COBL: variants seen among roughly 807,000 people sequenced by gnomAD.
COBL encodes the protein protein cordon-bleu.
Under a neutral mutation model 98.8 loss-of-function variants are expected in COBL, and 51 were observed. That is an observed-to-expected ratio of 0.52 (90% confidence interval 0.41 to 0.65). The LOEUF (loss-of-function observed/expected upper bound fraction) is 0.65. COBL is among the 30% of genes least tolerant of loss of function. The pLI, the probability that COBL is intolerant of heterozygous loss-of-function variation, is 0.00. For missense variants in COBL, 1,617 were observed against 1,617.5 expected, an observed-to-expected ratio of 1.00 and a Z score of 0.01; for synonymous variants, 634 against 651.7, an observed-to-expected ratio of 0.97 and a Z score of 0.41.
At position 51,028,860 on chromosome 7, in the gene COBL, C is replaced by G. The variant is rs367789677; in HGVS notation, c.2236G>C (p.Gly746Arg). ...LGNLVSPHAT[G>R]IRIISLSSSV... is the part of the protein sequence containing the mutation. The stretch of plus-strand genomic sequence containing the variant: ...GAAGACAGGGAAATGATCCTGATGC[C>G]GGTGGCGTGAGGACTCACCAAGTTC... Residue 746 changes from glycine (G) to arginine (R), a missense_variant, in exon 10 of 13, where the codon GGC (glycine) becomes CGC (arginine). By Grantham distance (125) the Gly-to-Arg change is moderately radical. Around this residue, in one of 3 missense-constraint regions of COBL, gnomAD observed 1,304 missense variants for 1,282.0 expected, o/e 1.02. Coordinates refer to ENST00000265136, the MANE Select transcript of COBL (RefSeq NM_015198.5). The G allele has an allele frequency of 3.7e-6, 6 of 1,614,170 alleles. No homozygotes were observed. The East Asian group carries it at 1.3e-4, about 36-fold the overall frequency.
At chr7:51,119,649 T>C (rs796450522) in intron 6 of COBL, among the ~76,000 whole-genome samples, 1 of 152,214 alleles carries the variant, frequency 6.6e-6, no homozygotes. Context: ...GTCTTTATAG[T>C]AAGCCTGTGT....
chr7:51,171,237 C>T (rs767732131), intron 5 of COBL, among the ~76,000 whole-genome samples: 28 of 152,048 alleles, frequency 1.8e-4, no homozygotes, highest in African/African-American at 6.0e-4. Context: ...AATCACTTTG[C>T]AAGTCGGATG....
chr7:51,275,008 G>A (rs951288858), intron 1 of COBL, among the ~76,000 whole-genome samples: 4 of 152,206 alleles, frequency 2.6e-5, no homozygotes, highest in African/African-American at 9.7e-5. Flanking sequence ...TCATCTGGCC[G>A]TGCAATTCAA....
rs1019251987 is a variant in COBL, at chr7:51,136,171, T to C, written c.944A>G (p.Lys315Arg). 1 of 1,611,684 alleles carries C rather than the reference T, an allele frequency of 6.2e-7. No individual in the cohort carries two copies. Among genetic ancestry groups the C allele is most frequent in the Non-Finnish European group, 8.5e-7 (1 of 1,179,738 alleles). The change falls in exon 6 of 13, where the codon AAG becomes AGG. Residue 315 changes from lysine to arginine, a missense_variant. By Grantham distance (26) the Lys-to-Arg change is conservative (BLOSUM62 2). Around this residue, in one of 3 missense-constraint regions of COBL, gnomAD observed 1,304 missense variants for 1,282.0 expected, o/e 1.02. Transcript: ENST00000265136. ...CCACTGCCCTACCTTTTCCGATGCC[T>C]TGTCTTGCACAGGTGGCCCTGAACC... ...PPGSGPPVQD[K>R]ASEKVSLGSQ...
chr7:51,208,663 G>C (rs971982340), intron 2 of COBL, among the ~76,000 whole-genome samples: 1 of 152,222 alleles, frequency 6.6e-6, no homozygotes, highest in East Asian at 1.9e-4. Context: ...GATGGTTGCC[G>C]TGTCTGTGTA....
chr7:51,138,827 T>C (rs1453629621), intron 5 of COBL, among the ~76,000 whole-genome samples: 2 of 152,214 alleles, frequency 1.3e-5, no homozygotes, highest in South Asian at 2.1e-4. Flanking sequence ...ACGATGTCCA[T>C]GGCAGTGCAT....
chr7:51,088,126 G>A (rs1794459295), intron 6 of COBL, among the ~76,000 whole-genome samples: 1 of 152,082 alleles, frequency 6.6e-6, no homozygotes, highest in Non-Finnish European at 1.5e-5. Context: ...GATGGCAAGT[G>A]CTGGGTGGGG....
At chr7:51,085,534 G>C (rs1248309906) in intron 6 of COBL, among the ~76,000 whole-genome samples, 1 of 152,140 alleles carries the variant, frequency 6.6e-6, no homozygotes, top group Non-Finnish European at 1.5e-5. Context: ...GTGGCACAGT[G>C]TTGCTCATAG....
Position 51,030,900 on chromosome 7 carries a change from T to A in COBL, c.1416A>T (p.Lys472Asn). ...CTTCATCATTTGAGGCTGTGACAGC[T>A]TTTTCAGTTCTAGGGAAGACCAAAG... ...GSENSHLRTE[K>N]AVTASNDEED... The change falls in exon 9 of 13, where the codon AAA (lysine) becomes AAT (asparagine). Residue 472 changes from lysine (K) to asparagine (N), a missense_variant. Physicochemically the swap from Lys to Asn is moderately conservative, Grantham distance 94 (BLOSUM62 0). Coordinates refer to ENST00000265136, the MANE Select transcript of COBL (RefSeq NM_015198.5). 6.2e-7 allele frequency: 1 copy of A among 1,607,460 alleles called. No individual in the cohort carries two copies. The highest frequency in any genetic ancestry group is 8.5e-7 in the Non-Finnish European group (1 of 1,174,206).
Position 51,043,426 on chromosome 7 carries a change from T to A in COBL, c.1363A>T (p.Ser455Cys). ...AGTPDLGPQK[S>C]PLWEKNGSEN... The stretch of plus-strand genomic sequence containing the variant: ...GAGCCATTCTTCTCCCACAAGGGGC[T>A]CTTCTGGGGACCCAGGTCTGGGGTT... The change falls in exon 8 of 13, where the codon AGC (serine) becomes TGC (cysteine). Residue 455 changes from serine (S) to cysteine (C), a missense_variant. Transcript: ENST00000265136. 1 of 1,614,178 alleles carries A rather than the reference T, an allele frequency of 6.2e-7. No homozygotes were observed. The highest frequency in any genetic ancestry group is 8.5e-7 in the Non-Finnish European group (1 of 1,180,042).
At chr7:51,269,427 G>A (rs891540513) in intron 1 of COBL, among the ~76,000 whole-genome samples, 1 of 152,232 alleles carries the variant, frequency 6.6e-6, no homozygotes, top group African/African-American at 2.4e-5. Context: ...CTGCTGGTAA[G>A]TGGCACAGGG....
chr7:51,242,213 C>A (rs1485513781), intron 1 of COBL, among the ~76,000 whole-genome samples: 1 of 152,178 alleles, frequency 6.6e-6, no homozygotes, highest in East Asian at 1.9e-4. Context: ...CTCCCACAAC[C>A]AATCAGACTG....
At chr7:51,142,803 A>G (rs1296132969) in intron 5 of COBL, among the ~76,000 whole-genome samples, 6 of 152,226 alleles carry the variant, frequency 3.9e-5, no homozygotes, top group African/African-American at 1.2e-4. Context: ...AGAATGCTTA[A>G]CAATGACAAT....
At chr7:51,272,596 G>T (rs915101837) in intron 1 of COBL, among the ~76,000 whole-genome samples, 1 of 152,156 alleles carries the variant, frequency 6.6e-6, no homozygotes, top group Non-Finnish European at 1.5e-5. Flanking sequence ...TCAGGAAAGA[G>T]ACTAATCCAT....
intron 5 of COBL, among the ~76,000 whole-genome samples, chr7:51,137,399 G>C (rs1418724632): frequency 6.6e-6 from 1 of 152,140 alleles, no homozygotes; most frequent in Non-Finnish European, 1.5e-5. Context: ...GCTATCATGT[G>C]AATCAAATGA....
chr7:51,187,702 C>T (rs546185157), intron 4 of COBL, among the ~76,000 whole-genome samples: 201 of 152,292 alleles, frequency 1.3e-3, no homozygotes, highest in Middle Eastern at 6.8e-3. Context: ...AGCAAATTCT[C>T]CTAAGAAGCA....
chr7:51,124,830 G>A (rs1395093969), intron 6 of COBL, among the ~76,000 whole-genome samples: 1 of 151,568 alleles, frequency 6.6e-6, no homozygotes, highest in East Asian at 1.9e-4. Flanking sequence ...CTTTATTTTT[G>A]TTTTTTCTTT....
intron 5 of COBL, among the ~76,000 whole-genome samples, chr7:51,181,479 A>G (rs1006856154): frequency 1.1e-4 from 16 of 152,322 alleles, no homozygotes; most frequent in African/African-American, 3.8e-4. Context: ...TCAATCACCA[A>G]TCAGCGTTAT....
At chr7:51,167,000 C>T (rs770483964) in intron 5 of COBL, among the ~76,000 whole-genome samples, 13 of 152,106 alleles carry the variant, frequency 8.5e-5, no homozygotes, top group Non-Finnish European at 1.5e-4. Context: ...TAGTATCTTA[C>T]TGAATGGAGA....
Sources: allele counts gnomAD v4.1 joint callset (sites outside exome capture counted in the v4.1 genomes callset), GRCh38; gene constraint gnomAD v4.1.1; regional missense constraint gnomAD v4.1.1; transcripts MANE v1.5; gene names NCBI Gene and HGNC (gene_info 2026-07-23, HGNC 2026-07-21).